KCNJ15: variants seen among roughly 807,000 people sequenced by gnomAD.
The protein encoded by KCNJ15 is potassium inwardly rectifying channel subfamily J member 15.
Under a neutral mutation model 23.0 loss-of-function variants are expected in KCNJ15, and 14 were observed. The ratio of observed to expected loss-of-function variants is 0.61; its 90% CI spans 0.40 to 0.95. The LOEUF (loss-of-function observed/expected upper bound fraction) is 0.95, where lower values mean the gene tolerates loss of function less well. Ranked by LOEUF, KCNJ15 falls within the 40% of genes least tolerant of loss-of-function variation. KCNJ15 has a pLI of 0.00. For missense variants in KCNJ15, 388 were observed against 461.8 expected, an observed-to-expected ratio of 0.84 and a Z score of 1.46; for synonymous variants, 185 against 183.2, an observed-to-expected ratio of 1.01 and a Z score of -0.08.
At chr21:38,298,498 C>T (rs940427993) in intron 2 of KCNJ15, among the ~76,000 whole-genome samples, 3 of 152,102 alleles carry the variant, frequency 2.0e-5, no homozygotes, top group Non-Finnish European at 2.9e-5. Context: ...TAATTATTTG[C>T]TTTAAGAATG....
chr21:38,238,386 C>A (rs1978762342), intron 1 of KCNJ15: 4 of 716,240 alleles, frequency 5.6e-6, no homozygotes, highest in Non-Finnish European at 7.9e-6. Context: ...CCCCATCAGC[C>A]AGAATCAGCA....
Position 38,299,265 on chromosome 21 carries a change from G to T in KCNJ15, c.4G>T (p.Asp2Tyr), listed in dbSNP as rs769195930. M[D>Y]AIHIGMSSTP... The stretch of plus-strand genomic sequence containing the variant: ...TAAGTGTTTCCAGAGCCTGGCAATG[G>T]ATGCCATTCACATCGGCATGTCCAG... Residue 2 changes from aspartate to tyrosine, a missense_variant, in exon 3 of 3, where the codon GAT becomes TAT. By Grantham distance (160) the Asp-to-Tyr change is radical. Coordinates refer to ENST00000398938, the MANE Select transcript of KCNJ15 (RefSeq NM_170736.3). This position sits in a 1 kb window ranked among gnomAD's most constrained non-coding sequence, Gnocchi z 4.5. The T allele has an allele frequency of 1.9e-6, 3 of 1,608,110 alleles. No individual in the cohort carries two copies. The highest frequency in any genetic ancestry group is 3.4e-5 in the Admixed American group (2 of 59,506).
At chr21:38,235,323 G>C (rs1183597419) in intron 1 of KCNJ15, among the ~76,000 whole-genome samples, 1 of 152,068 alleles carries the variant, frequency 6.6e-6, no homozygotes, top group East Asian at 1.9e-4. Context: ...GGAGGCCGAG[G>C]TTGGTGGATC....
At chr21:38,277,971 C>T (rs1982905789) in intron 1 of KCNJ15, among the ~76,000 whole-genome samples, 1 of 152,180 alleles carries the variant, frequency 6.6e-6, no homozygotes, top group African/African-American at 2.4e-5. Context: ...GGACATGGCC[C>T]AACCCCTGCC....
At chr21:38,286,933 T>C (rs939405909) in intron 1 of KCNJ15, among the ~76,000 whole-genome samples, 2 of 152,238 alleles carry the variant, frequency 1.3e-5, no homozygotes, top group Admixed American at 1.3e-4. Context: ...CACATTCCAG[T>C]CATTTCAGAG....
intron 1 of KCNJ15, among the ~76,000 whole-genome samples, chr21:38,230,518 C>CA (rs1039522111): frequency 6.6e-6 from 1 of 152,032 alleles, no homozygotes; most frequent in Non-Finnish European, 1.5e-5. Flanking sequence ...ATTTGCAGCA[C>CA]AAAAATGTTT....
chr21:38,281,925 A>G (rs368286109), intron 1 of KCNJ15, among the ~76,000 whole-genome samples: 1 of 152,148 alleles, frequency 6.6e-6, no homozygotes, highest in Non-Finnish European at 1.5e-5. Flanking sequence ...AGCCTTGGCC[A>G]GCAACTATTT....
rs1433932335 is a variant in KCNJ15 at position 38,250,805 on chromosome 21, G to A, written c.-398-6241G>A. Among the ~76,000 whole-genome samples the A allele has an allele frequency of 2.0e-5, 3 of 152,218 alleles. No individual in the cohort carries two copies. In the South Asian group the frequency reaches 6.2e-4, roughly 32 times the overall value. On this transcript the variant is annotated intron_variant, in intron 1 of 4. Coordinates refer to the KCNJ15 transcript ENST00000547341. ...AAATGTAGAATGAATCACTACTTTT[G>A]TCTTCTCCAGTTGATCTTTGAAATT...
At chr21:38,295,273 G>A (rs1485516347) in intron 1 of KCNJ15, among the ~76,000 whole-genome samples, 2 of 152,088 alleles carry the variant, frequency 1.3e-5, no homozygotes, top group Non-Finnish European at 2.9e-5. Flanking sequence ...ATTCTTGATC[G>A]CTGAAAATGT....
chr21:38,245,308 C>T (rs1221260617), intron 1 of KCNJ15, among the ~76,000 whole-genome samples: 1 of 151,694 alleles, frequency 6.6e-6, no homozygotes, highest in Non-Finnish European at 1.5e-5. Flanking sequence ...CAGGCCCCAC[C>T]CCAGACCAAT....
intron 1 of KCNJ15, among the ~76,000 whole-genome samples, chr21:38,242,696 C>T (rs1444562305): frequency 1.3e-5 from 2 of 152,150 alleles, no homozygotes; most frequent in African/African-American, 4.8e-5. Context: ...TTGGCTGACT[C>T]CTCCATCCCC....
intron 1 of KCNJ15, among the ~76,000 whole-genome samples, chr21:38,260,713 G>A (rs778556778): frequency 3.9e-5 from 6 of 152,176 alleles, no homozygotes; most frequent in Admixed American, 6.5e-5. Flanking sequence ...CACCCGATTC[G>A]TTTCCAGTAG....
chr21:38,275,994 C>G (rs1021535848), intron 1 of KCNJ15, among the ~76,000 whole-genome samples: 1 of 152,010 alleles, frequency 6.6e-6, no homozygotes, highest in Non-Finnish European at 1.5e-5. Context: ...TAGATATGGA[C>G]AAAATGGAGA....
At chr21:38,269,080 A>G (rs1483931796) in intron 1 of KCNJ15, 2 of 152,234 alleles carry the variant, frequency 1.3e-5, no homozygotes, top group East Asian at 3.9e-4. Context: ...AGGAAGTTAA[A>G]TGACATGATT....
At position 38,306,042 on chromosome 21, in the gene KCNJ15, A is replaced by T. The variant is rs190408501; in HGVS notation, c.*5653A>T. The T allele has an allele frequency of 6.6e-6, 1 of 152,328 alleles. No individual in the cohort carries two copies. The highest frequency in any genetic ancestry group is 1.5e-5 in the Non-Finnish European group (1 of 68,046). 9.4% of individuals were successfully genotyped at this position (152,328 alleles called of 1,614,324 possible). A position where few individuals can be genotyped will look rare whatever the true frequency, so the allele number is the denominator to read the frequency against. On this transcript the variant is annotated 3_prime_UTR_variant, in exon 3 of 3. Transcript: ENST00000398938. Reference sequence around the variant, plus strand: ...TTCCCTGGGGCATCACCCTAGAAGGATGGGCTCAAAGTCGCCCTCCACGTG... The same window carrying T: ...TTCCCTGGGGCATCACCCTAGAAGGTTGGGCTCAAAGTCGCCCTCCACGTG...
intron 1 of KCNJ15, among the ~76,000 whole-genome samples, chr21:38,235,414 C>A (rs558750805): frequency 6.6e-6 from 1 of 151,978 alleles, no homozygotes; most frequent in African/African-American, 2.4e-5. Flanking sequence ...ATTAGCTGGG[C>A]GTCGTGGCAC....
intron 1 of KCNJ15, among the ~76,000 whole-genome samples, chr21:38,243,066 C>A (rs1979120018): frequency 1.3e-5 from 2 of 152,168 alleles, no homozygotes; most frequent in Non-Finnish European, 2.9e-5. Context: ...ACTTCTCTTG[C>A]TTTTAATCTT....
chr21:38,249,586 GA>G (rs1171172823), intron 1 of KCNJ15, among the ~76,000 whole-genome samples: 1 of 152,182 alleles, frequency 6.6e-6, no homozygotes, highest in Non-Finnish European at 1.5e-5. Context: ...AAGAAGTAAA[GA>G]AAACACAGTC....
chr21:38,305,715 AAC>A lies in KCNJ15; in HGVS notation c.*5327_*5328del, dbSNP rs1986034169. The A allele has an allele frequency of 6.6e-6, 1 of 152,220 alleles. No homozygotes were observed. The highest frequency in any genetic ancestry group is 6.5e-5 in the Admixed American group (1 of 15,286). 9.4% of individuals were successfully genotyped at this position (152,220 alleles called of 1,614,324 possible). A position where few individuals can be genotyped will look rare whatever the true frequency, so the allele number is the denominator to read the frequency against. On this transcript the variant is annotated 3_prime_UTR_variant, in exon 3 of 3. Coordinates refer to ENST00000398938, the MANE Select transcript of KCNJ15 (RefSeq NM_170736.3). ...GCCTTGGAAATTAGACAAATCTTCAAACTTAACTGAAACTCCTGTCCTGAATA... is the reference window on the plus strand; with the variant it reads ...GCCTTGGAAATTAGACAAATCTTCAATTAACTGAAACTCCTGTCCTGAATA...
Sources: gnomAD v4.1 joint callset for allele counts (sites outside exome capture counted in the v4.1 genomes callset) on GRCh38, gnomAD v4.1.1 for gene constraint, Gnocchi (gnomAD v3.1) non-coding constraint, MANE v1.5 for transcripts, NCBI Gene and HGNC (gene_info 2026-07-23, HGNC 2026-07-21) for gene names.